The following SLC24A2 variants were observed in gnomAD, a reference collection of about 807,000 sequenced individuals.
SLC24A2 encodes the protein solute carrier family 24 member 2, also known as sodium/potassium/calcium exchanger 2.
A neutral mutation model predicts 62.0 loss-of-function variants in SLC24A2; 36 were observed. The ratio of observed to expected loss-of-function variants is 0.58; its 90% CI spans 0.44 to 0.77. The LOEUF is 0.77. Ranked by LOEUF, SLC24A2 falls within the 30% of genes least tolerant of loss-of-function variation. The pLI, the probability that SLC24A2 is intolerant of heterozygous loss-of-function variation, is 0.00. For synonymous variants in SLC24A2, 358 were observed against 294.0 expected (o/e 1.22, Z -2.23); for missense variants, 846 against 817.9 (o/e 1.03, Z -0.42).
At chr9:20,091,759 TG>T in the SLC24A2 span, among the ~76,000 whole-genome samples, 2 of 152,076 alleles carry the variant, frequency 1.3e-5, no homozygotes, top group African/African-American at 2.4e-5. Flanking sequence ...CAAAAACACA[TG>T]TAAGTTCACA....
intron 2 of SLC24A2, among the ~76,000 whole-genome samples, chr9:19,767,918 C>T (rs966858927): frequency 2.0e-5 from 3 of 152,268 alleles, no homozygotes; most frequent in African/African-American, 7.2e-5. Context: ...GCTGCACCTG[C>T]TAAGAGTCTT....
chr9:20,165,911 T>A, the SLC24A2 span, among the ~76,000 whole-genome samples: 1 of 151,800 alleles, frequency 6.6e-6, no homozygotes, highest in Non-Finnish European at 1.5e-5. Context: ...TTATCCCAAA[T>A]GTATAAAGAG....
chr9:19,570,251 C>T (rs1835799433), intron 7 of SLC24A2, among the ~76,000 whole-genome samples: 1 of 152,238 alleles, frequency 6.6e-6, no homozygotes, highest in Non-Finnish European at 1.5e-5. Flanking sequence ...TCCTCTTTCT[C>T]TCCAATCACT....
chr9:20,238,819 A>G, the SLC24A2 span, among the ~76,000 whole-genome samples: 2 of 152,228 alleles, frequency 1.3e-5, no homozygotes, highest in Admixed American at 6.5e-5. Flanking sequence ...GGTATAGTTA[A>G]GGTTAAATGA....
the SLC24A2 span, among the ~76,000 whole-genome samples, chr9:19,879,770 G>A: frequency 6.6e-6 from 1 of 152,072 alleles, no homozygotes; most frequent in Non-Finnish European, 1.5e-5. Context: ...GTCAGCATAT[G>A]GAATTTTTAT....
chr9:19,736,517 T>C (rs1821515173), intron 2 of SLC24A2, among the ~76,000 whole-genome samples: 2 of 152,020 alleles, frequency 1.3e-5, no homozygotes, highest in Non-Finnish European at 1.5e-5. Flanking sequence ...TTAGACAAAG[T>C]AGACTTTAAA....
the SLC24A2 span, among the ~76,000 whole-genome samples, chr9:20,254,497 C>A: frequency 6.6e-6 from 1 of 152,172 alleles, no homozygotes; most frequent in African/African-American, 2.4e-5. Context: ...ATATCCCTAG[C>A]AGACTGATAA....
chr9:20,215,915 T>C, the SLC24A2 span, among the ~76,000 whole-genome samples: 1 of 152,106 alleles, frequency 6.6e-6, no homozygotes, highest in Non-Finnish European at 1.5e-5. Flanking sequence ...TAGTTCCCAA[T>C]CCTGAGGTCT....
At chr9:19,908,831 A>T in the SLC24A2 span, among the ~76,000 whole-genome samples, 2 of 152,198 alleles carry the variant, frequency 1.3e-5, no homozygotes, top group East Asian at 3.8e-4. Context: ...GTCAGGAAAC[A>T]ACAGGTGCTG....
At chr9:19,541,290 TAG>T (rs1270318138) in intron 8 of SLC24A2, among the ~76,000 whole-genome samples, 25 of 150,452 alleles carry the variant, frequency 1.7e-4, no homozygotes, top group African/African-American at 5.4e-4. Flanking sequence ...CTCTGCTTTT[TAG>T]AGTTTCCAGT....
chr9:20,109,669 T>C, the SLC24A2 span, among the ~76,000 whole-genome samples: 1 of 152,196 alleles, frequency 6.6e-6, no homozygotes, highest in South Asian at 2.1e-4. Flanking sequence ...CCTGGTTTCC[T>C]CTGGAGTTTG....
the SLC24A2 span, among the ~76,000 whole-genome samples, chr9:19,868,815 G>A: frequency 1.3e-5 from 2 of 150,324 alleles, no homozygotes; most frequent in African/African-American, 2.5e-5. Flanking sequence ...CTCTTTGTAT[G>A]GTATATCATT....
chr9:20,070,060 T>C, the SLC24A2 span, among the ~76,000 whole-genome samples: 1 of 152,226 alleles, frequency 6.6e-6, no homozygotes, highest in Non-Finnish European at 1.5e-5. Flanking sequence ...TTATTTATTA[T>C]TTATTTCAGA....
intron 9 of SLC24A2, among the ~76,000 whole-genome samples, chr9:19,522,502 T>TA (rs1278334025): frequency 1.3e-5 from 2 of 152,194 alleles, no homozygotes; most frequent in Non-Finnish European, 2.9e-5. Flanking sequence ...AAATCCTTTT[T>TA]AAAAAAATTC....
At chr9:20,214,705 C>A in the SLC24A2 span, among the ~76,000 whole-genome samples, 1 of 152,156 alleles carries the variant, frequency 6.6e-6, no homozygotes, top group Non-Finnish European at 1.5e-5. Flanking sequence ...AAGTTTGTTA[C>A]ATTCTGCTGT....
At chr9:19,651,089 C>T in intron 2 of SLC24A2, among the ~76,000 whole-genome samples, 1 of 152,018 alleles carries the variant, frequency 6.6e-6, no homozygotes, top group East Asian at 1.9e-4. Flanking sequence ...AGATGTAGAC[C>T]TAATAGTATT....
At chr9:20,276,977 G>C in the SLC24A2 span, among the ~76,000 whole-genome samples, 1 of 152,188 alleles carries the variant, frequency 6.6e-6, no homozygotes, top group Non-Finnish European at 1.5e-5. Flanking sequence ...AGGCCTCCTG[G>C]CTTGTGATGG....
At chr9:20,069,631 G>A in the SLC24A2 span, among the ~76,000 whole-genome samples, 1 of 152,120 alleles carries the variant, frequency 6.6e-6, no homozygotes, top group African/African-American at 2.4e-5. Flanking sequence ...GTAATAATTA[G>A]TTTCTTTTAT....
chr9:20,174,779 G>A, the SLC24A2 span, among the ~76,000 whole-genome samples: 8 of 151,982 alleles, frequency 5.3e-5, no homozygotes, highest in African/African-American at 1.9e-4. Flanking sequence ...AACCACTATG[G>A]AAAACAGTGT....
Sources: gnomAD v4.1 joint callset for allele counts (sites outside exome capture counted in the v4.1 genomes callset) on GRCh38, gnomAD v4.1.1 for gene constraint, MANE v1.5 for transcripts, NCBI Gene and HGNC (gene_info 2026-07-23, HGNC 2026-07-21) for gene names.